HDAC4: variants seen among roughly 807,000 people sequenced by gnomAD.
HDAC4 encodes the protein histone deacetylase A.
Under a neutral mutation model 135.1 loss-of-function variants are expected in HDAC4, and 16 were observed. That is an observed-to-expected ratio of 0.12 (90% confidence interval 0.08 to 0.18). The LOEUF is 0.18. Among genes scored for constraint, HDAC4 ranks in the 10% least tolerant of loss-of-function variants. The pLI is 1.00. For synonymous variants in HDAC4, 685 were observed against 653.4 expected (o/e 1.05, Z -0.74); for missense variants, 1,143 against 1,511.8 (o/e 0.76, Z 4.05).
chr2:239,084,239 G>A lies in HDAC4; in HGVS notation c.2448C>T (p.Gly816=). The A allele has an allele frequency of 6.2e-7, 1 of 1,610,654 alleles. No individual in the cohort carries two copies. The highest frequency in any genetic ancestry group is 1.1e-5 in the South Asian group (1 of 90,696). ...GHHAEESTPM[G]FCYFNSVAVA... ...CGGCCACGGAGTTGAAGTAGCAAAA[G>A]CCCCTGCGGGAGAGAACTGACGCTG... Residue 816 remains glycine (G), a synonymous_variant, in exon 20 of 27, where the codon GGC becomes GGT. Coordinates refer to ENST00000543185, the MANE Select transcript of HDAC4 (RefSeq NM_001378414.1).
At position 239,285,137 on chromosome 2, in the gene HDAC4, A is replaced by G. The variant is rs1454117931; in HGVS notation, c.23-48473T>C. 2.0e-5 allele frequency among the ~76,000 whole-genome samples: 3 copies of G among 152,208 alleles called. No homozygotes were observed. Among genetic ancestry groups the G allele is most frequent in the African/African-American group, 7.2e-5 (3 of 41,464 alleles). On this transcript the variant is annotated intron_variant, in intron 2 of 26. Coordinates refer to ENST00000543185, the MANE Select transcript of HDAC4 (RefSeq NM_001378414.1). The surrounding 1 kb of genome is among the most constrained non-coding windows in gnomAD (Gnocchi z 4.5). ...TGGCAACCTGGAAGGCCAGGTTCAA[A>G]GTTCAAAGTTCAAAGACTGCAGATG...
chr2:239,250,260 G>C (rs902700211), intron 2 of HDAC4, among the ~76,000 whole-genome samples: 1 of 152,254 alleles, frequency 6.6e-6, no homozygotes, highest in Non-Finnish European at 1.5e-5. Context: ...TGAAGACACA[G>C]AGTCGGCCCC....
chr2:239,133,339 G>A (rs2040727364), intron 11 of HDAC4, among the ~76,000 whole-genome samples: 1 of 152,234 alleles, frequency 6.6e-6, no homozygotes, highest in African/African-American at 2.4e-5. Flanking sequence ...CACTGCCAGA[G>A]TTTCACAGGT....
intron 2 of HDAC4, among the ~76,000 whole-genome samples, chr2:239,337,749 C>G (rs529139646): frequency 6.6e-6 from 1 of 152,150 alleles, no homozygotes; most frequent in African/African-American, 2.4e-5. Flanking sequence ...CCTGGCTGTG[C>G]GTGACAAAGC....
intron 1 of HDAC4, among the ~76,000 whole-genome samples, chr2:239,381,066 T>C (rs563210489): frequency 1.3e-5 from 2 of 152,214 alleles, no homozygotes; most frequent in Non-Finnish European, 2.9e-5. Flanking sequence ...AGTATATTTA[T>C]GGTGACTGAG....
At chr2:239,396,267 C>T (rs1402354540) in intron 1 of HDAC4, among the ~76,000 whole-genome samples, 3 of 151,882 alleles carry the variant, frequency 2.0e-5, no homozygotes, top group Admixed American at 6.6e-5. Context: ...TAAGGTACCT[C>T]GCCCAGCCCT....
chr2:239,053,668 A>G, intron 25 of HDAC4, 67 bp from the exon 26 acceptor site: 1 of 1,460,068 alleles, frequency 6.8e-7, no homozygotes. Flanking sequence ...GAGGCCCGGG[A>G]AGGTCCTGCG....
At chr2:239,166,583 AG>A (rs2043136228) in intron 5 of HDAC4, among the ~76,000 whole-genome samples, 1 of 152,194 alleles carries the variant, frequency 6.6e-6, no homozygotes, top group Admixed American at 6.5e-5. Flanking sequence ...TCTGTCTGTA[AG>A]GGGACTGGTC....
chr2:239,195,042 AG>A (rs1013883614), intron 3 of HDAC4, among the ~76,000 whole-genome samples: 26 of 152,328 alleles, frequency 1.7e-4, no homozygotes, highest in Middle Eastern at 3.4e-3. Flanking sequence ...TCTGCTGAGA[AG>A]GAGCCTGGAC....
At chr2:239,078,859 C>G (rs1435164531) in intron 22 of HDAC4, among the ~76,000 whole-genome samples, 4 of 152,320 alleles carry the variant, frequency 2.6e-5, no homozygotes, top group East Asian at 1.9e-4. Flanking sequence ...GTGGCTCCAT[C>G]AAAACCTGGC....
At chr2:239,215,231 T>C (rs1671747701) in intron 3 of HDAC4, among the ~76,000 whole-genome samples, 1 of 152,090 alleles carries the variant, frequency 6.6e-6, no homozygotes, top group Non-Finnish European at 1.5e-5. Context: ...ACCTGAGGAC[T>C]GGTGGCCGGG....
chr2:239,327,632 C>A (rs1309501322), intron 2 of HDAC4, among the ~76,000 whole-genome samples: 3 of 152,224 alleles, frequency 2.0e-5, no homozygotes, highest in African/African-American at 7.2e-5. Context: ...CCCAGCCAGC[C>A]AGCCCAGACT....
At chr2:239,375,927 C>T (rs571994940) in intron 1 of HDAC4, among the ~76,000 whole-genome samples, 18 of 152,228 alleles carry the variant, frequency 1.2e-4, no homozygotes, top group African/African-American at 4.3e-4. Context: ...CACCCGACTG[C>T]GAGTGTCACC....
chr2:239,075,524 C>G (rs924675637), intron 22 of HDAC4, among the ~76,000 whole-genome samples: 1 of 152,156 alleles, frequency 6.6e-6, no homozygotes, highest in Non-Finnish European at 1.5e-5. Context: ...CCGGCAAGCC[C>G]AGGGAAGCCA....
At chr2:239,102,723 A>C in intron 16 of HDAC4, 53 bp downstream of exon 16, 3 of 1,609,292 alleles carry the variant, frequency 1.9e-6, no homozygotes, top group Non-Finnish European at 2.5e-6. Flanking sequence ...CTGGAAACAC[A>C]ACCTCAGGGG....
At chr2:239,161,746 C>T (rs904463192) in intron 6 of HDAC4, 2 of 405,782 alleles carry the variant, frequency 4.9e-6, no homozygotes, top group African/African-American at 4.1e-5. Context: ...AAGACACTCA[C>T]CTTGAACACC....
intron 1 of HDAC4, among the ~76,000 whole-genome samples, chr2:239,391,962 G>A (rs937053425): frequency 2.0e-5 from 3 of 152,248 alleles, no homozygotes; most frequent in Admixed American, 2.0e-4. Flanking sequence ...CTCTTCTTCA[G>A]GGAGGGACCG....
chr2:239,054,864 T>C (rs2031546635), intron 24 of HDAC4, 31 bp from the exon 25 acceptor site: 1 of 1,438,134 alleles, frequency 7.0e-7, no homozygotes, highest in Admixed American at 1.7e-5. Context: ...ATATAAAGAC[T>C]GCCAATATAA....
intron 1 of HDAC4, among the ~76,000 whole-genome samples, chr2:239,376,631 A>G (rs910147332): frequency 6.6e-6 from 1 of 152,256 alleles, no homozygotes; most frequent in Non-Finnish European, 1.5e-5. Flanking sequence ...GGAGGTGATG[A>G]ACGCCATCCA....
Sources: gnomAD v4.1 joint callset for allele counts (sites outside exome capture counted in the v4.1 genomes callset) on GRCh38, gnomAD v4.1.1 for gene constraint, Gnocchi (gnomAD v3.1) non-coding constraint, MANE v1.5 for transcripts, NCBI Gene and HGNC (gene_info 2026-07-23, HGNC 2026-07-21) for gene names.